Variants in EPHB1 observed in about 807,000 individuals in gnomAD.
EPHB1 encodes the protein EPH receptor B1, also known as ephrin type-B receptor 1.
EPHB1 carries 30 observed loss-of-function variants against 94.4 expected under a neutral mutation model. The ratio of observed to expected loss-of-function variants is 0.32; its 90% CI spans 0.24 to 0.43. EPHB1 has a LOEUF of 0.43. EPHB1 is among the 20% of genes least tolerant of loss of function. The pLI, the probability that EPHB1 is intolerant of heterozygous loss-of-function variation, is 1.00. For synonymous variants in EPHB1, 522 were observed against 489.1 expected (o/e 1.07, Z -0.89); for missense variants, 1,055 against 1,308.3 (o/e 0.81, Z 2.99).
At chr3:135,030,950 A>C (rs886431073) in intron 3 of EPHB1, among the ~76,000 whole-genome samples, 17 of 152,120 alleles carry the variant, frequency 1.1e-4, no homozygotes, top group African/African-American at 4.1e-4. Flanking sequence ...AGCCCGTCGG[A>C]AAAGCGCAGT....
intron 6 of EPHB1, among the ~76,000 whole-genome samples, chr3:135,161,581 GAAC>G (rs1941507918): frequency 6.6e-6 from 1 of 152,196 alleles, no homozygotes; most frequent in Non-Finnish European, 1.5e-5. Context: ...AGAGAAAACA[GAAC>G]AACTCAGCAG....
chr3:135,173,189 T>C (rs546523230), intron 9 of EPHB1, among the ~76,000 whole-genome samples: 31 of 151,348 alleles, frequency 2.0e-4, no homozygotes, highest in South Asian at 8.4e-4. Flanking sequence ...CGCGCGCCAC[T>C]ACGCCCGGCT....
At chr3:134,986,472 GA>G (rs1934600199) in intron 3 of EPHB1, among the ~76,000 whole-genome samples, 2 of 152,160 alleles carry the variant, frequency 1.3e-5, no homozygotes, top group African/African-American at 4.8e-5. Context: ...ACATGCGGCT[GA>G]TTCCAGATGT....
At chr3:135,027,482 T>C in intron 3 of EPHB1, among the ~76,000 whole-genome samples, 1 of 149,040 alleles carries the variant, frequency 6.7e-6, no homozygotes, top group East Asian at 2.0e-4. Flanking sequence ...TCATGTGGTT[T>C]TTGTCTTTGG....
chr3:134,951,626 G>A lies in EPHB1; in HGVS notation c.379G>A (p.Ala127Thr), dbSNP rs1404562506. The A allele has an allele frequency of 3.1e-6, 5 of 1,614,000 alleles. No homozygotes were observed. The Admixed American group carries it at 8.3e-5, about 27-fold the overall frequency. ...CTCTGTCATTGCCACCAAGAAGTCA[G>A]CCTTCTGGTCTGAGGCCCCCTACCT... is the stretch of plus-strand genomic sequence containing the variant. ...TDSVIATKKS[A>T]FWSEAPYLKV... The change falls in exon 3 of 16, where the codon GCC becomes ACC. Residue 127 changes from alanine (A) to threonine (T), a missense_variant. Coordinates refer to ENST00000398015, the MANE Select transcript of EPHB1 (RefSeq NM_004441.5). The surrounding 1 kb of genome is among the most constrained non-coding windows in gnomAD (Gnocchi z 4.5).
At position 134,795,435 on chromosome 3, in the gene EPHB1, C is replaced by A. The variant is rs2035801368; in HGVS notation, c.-197C>A. 1 of 573,330 alleles carries A rather than the reference C, an allele frequency of 1.7e-6. No individual in the cohort carries two copies. Among genetic ancestry groups the A allele is most frequent in the Non-Finnish European group, 3.0e-6 (1 of 330,806 alleles). 35.5% of individuals were successfully genotyped at this position (573,330 alleles called of 1,614,324 possible). A position where few individuals can be genotyped will look rare whatever the true frequency, so the allele number is the denominator to read the frequency against. ...CACACACACACATGCACACCCACAC[C>A]CACGCGCGCCCGCACCGCCCCACGC... On this transcript the variant is annotated 5_prime_UTR_variant, in exon 1 of 16. Coordinates refer to ENST00000398015, the MANE Select transcript of EPHB1 (RefSeq NM_004441.5).
At chr3:135,166,418 G>C (rs1489253314) in intron 8 of EPHB1, among the ~76,000 whole-genome samples, 1 of 152,148 alleles carries the variant, frequency 6.6e-6, no homozygotes, top group Non-Finnish European at 1.5e-5. Flanking sequence ...CCATCCTCCA[G>C]TTAAGAGAGC....
chr3:134,809,617 G>A (rs2036128758), intron 1 of EPHB1, among the ~76,000 whole-genome samples: 1 of 152,198 alleles, frequency 6.6e-6, no homozygotes, highest in African/African-American at 2.4e-5. Flanking sequence ...CTCTGACACA[G>A]ACTGCCAGGG....
intron 3 of EPHB1, among the ~76,000 whole-genome samples, chr3:135,072,689 G>A (rs562073418): frequency 1.3e-5 from 2 of 152,144 alleles, no homozygotes; most frequent in Non-Finnish European, 2.9e-5. Flanking sequence ...TTTGTGGCTG[G>A]CTCTGACCTT....
intron 3 of EPHB1, among the ~76,000 whole-genome samples, chr3:135,007,575 C>T (rs1276809674): frequency 6.6e-6 from 1 of 152,182 alleles, no homozygotes; most frequent in African/African-American, 2.4e-5. Context: ...TGGGCCTTTT[C>T]TGGGATGCAG....
chr3:134,986,711 AACACACACACACACACAC>A (rs60628273), intron 3 of EPHB1, among the ~76,000 whole-genome samples: 2 of 145,628 alleles, frequency 1.4e-5, no homozygotes, highest in African/African-American at 5.1e-5. Context: ...TAAAGATATT[AACACACACACACACACAC>A]ACACACACAC....
chr3:135,227,739 A>G (rs372893878), intron 12 of EPHB1, among the ~76,000 whole-genome samples: 2 of 152,214 alleles, frequency 1.3e-5, no homozygotes, highest in East Asian at 3.8e-4. Context: ...TTGCACATTA[A>G]TTTTAAAAAA....
chr3:135,247,717 A>ATTTGT (rs1943960908), intron 13 of EPHB1, among the ~76,000 whole-genome samples: 1 of 152,194 alleles, frequency 6.6e-6, no homozygotes, highest in African/African-American at 2.4e-5. Context: ...TGAACCAATT[A>ATTTGT]TTTGTTTAAC....
chr3:135,045,941 T>G (rs2107768417), intron 3 of EPHB1, among the ~76,000 whole-genome samples: 1 of 152,362 alleles, frequency 6.6e-6, no homozygotes, highest in Admixed American at 6.5e-5. Context: ...CTGAAAGAGC[T>G]ATTACAGTTT....
chr3:135,094,659 CCTT>C (rs1938692397), intron 3 of EPHB1, among the ~76,000 whole-genome samples: 1 of 152,226 alleles, frequency 6.6e-6, no homozygotes, highest in Admixed American at 6.5e-5. Context: ...CCCAGCTAAA[CCTT>C]CTCCCTCCTG....
chr3:134,959,370 G>C (rs1445132639), intron 3 of EPHB1, among the ~76,000 whole-genome samples: 1 of 152,180 alleles, frequency 6.6e-6, no homozygotes, highest in Admixed American at 6.5e-5. Context: ...ACTGGGATTA[G>C]AACTCAGGTC....
At chr3:134,978,081 A>C (rs974400187) in intron 3 of EPHB1, 1 of 433,000 alleles carries the variant, frequency 2.3e-6, no homozygotes, top group Non-Finnish European at 4.6e-6. Flanking sequence ...GAAGCAGGTG[A>C]CTTGCTTGTG....
chr3:134,927,514 C>T (rs2038817654), intron 2 of EPHB1, among the ~76,000 whole-genome samples: 1 of 152,220 alleles, frequency 6.6e-6, no homozygotes, highest in Non-Finnish European at 1.5e-5. Context: ...GCTGATGAGG[C>T]AGCAGTTCTT....
intron 1 of EPHB1, among the ~76,000 whole-genome samples, chr3:134,797,444 G>A (rs2035851493): frequency 6.6e-6 from 1 of 152,258 alleles, no homozygotes; most frequent in Non-Finnish European, 1.5e-5. Flanking sequence ...GCGTCATGCA[G>A]GTCCGAGGCT....
Sources: gnomAD v4.1 joint callset for allele counts (sites outside exome capture counted in the v4.1 genomes callset) on GRCh38, gnomAD v4.1.1 for gene constraint, Gnocchi (gnomAD v3.1) non-coding constraint, MANE v1.5 for transcripts, NCBI Gene and HGNC (gene_info 2026-07-23, HGNC 2026-07-21) for gene names.